Variants in MTERF4 observed in about 807,000 individuals in gnomAD.
MTERF4 encodes the protein mitochondrial transcription termination factor 4, also known as transcription termination factor 4, mitochondrial.
In MTERF4, 17 loss-of-function variants were observed where a neutral mutation model predicts 22.5. The observed-to-expected ratio is 0.75, with a 90% CI of 0.52 to 1.13. The LOEUF is 1.13. MTERF4 is among the 50% of genes most tolerant of loss of function. The pLI is 0.00. For synonymous variants in MTERF4, 165 were observed against 175.3 expected (o/e 0.94, Z 0.47); for missense variants, 420 against 466.8 (o/e 0.90, Z 0.92).
At chr2:241,048,225 A>G in the MTERF4 span, 1 of 1,420,396 alleles carries the variant, frequency 7.0e-7, no homozygotes, top group Non-Finnish European at 9.3e-7. Flanking sequence ...AACAGAGGTG[A>G]AAACCCAAAG....
At chr2:241,048,645 C>T in the MTERF4 span, 7 of 1,594,440 alleles carry the variant, frequency 4.4e-6, no homozygotes, top group South Asian at 4.6e-5. Flanking sequence ...GGAGGCTCCT[C>T]CCTCTCTTCG....
chr2:241,044,161 A>C, the MTERF4 span, among the ~76,000 whole-genome samples: 14 of 152,236 alleles, frequency 9.2e-5, no homozygotes, highest in African/African-American at 3.1e-4. Flanking sequence ...GAAGTGGGAC[A>C]AGTAAAAGCC....
chr2:241,065,022 A>T, the MTERF4 span: 1 of 1,261,976 alleles, frequency 7.9e-7, no homozygotes, highest in Non-Finnish European at 1.1e-6. Flanking sequence ...AGAGGGCCCA[A>T]CGGTCTCCAA....
downstream of MTERF4, chr2:241,068,974 GGA>G: frequency 6.4e-7 from 1 of 1,557,164 alleles, no homozygotes; most frequent in Non-Finnish European, 8.7e-7. This position sits in a 1 kb window ranked among gnomAD's most constrained non-coding sequence, Gnocchi z 5.3. Flanking sequence ...TCAGGGGAGA[GGA>G]GCACCCCACA....
chr2:241,097,014 T>C, intron 3 of MTERF4: 1 of 600,852 alleles, frequency 1.7e-6, no homozygotes, highest in East Asian at 2.8e-5. Flanking sequence ...AAGATTTCTC[T>C]TTGGCTGATG....
chr2:241,064,172 C>T, the MTERF4 span: 4 of 1,328,260 alleles, frequency 3.0e-6, no homozygotes, highest in South Asian at 4.1e-5. This position sits in a 1 kb window ranked among gnomAD's most constrained non-coding sequence, Gnocchi z 7.0. Context: ...CCGCCTGCTC[C>T]CCGCCCTCTG....
downstream of MTERF4, chr2:241,087,166 G>A (rs1032095302): frequency 2.2e-5 from 11 of 505,254 alleles, no homozygotes; most frequent in African/African-American, 2.0e-4. Context: ...CATTAAAATG[G>A]GTTTATTTTA....
chr2:241,093,125 C>A (rs3815291), downstream of MTERF4: 78,484 of 152,398 alleles, frequency 0.51, 23,155 homozygotes, highest in African/African-American at 0.82. Context: ...AGGCAATTCG[C>A]GAAGTTTCAC....
chr2:241,049,078 A>G, the MTERF4 span: 4 of 1,613,696 alleles, frequency 2.5e-6, no homozygotes, highest in East Asian at 8.9e-5. Context: ...GGGCTACTGC[A>G]TGGAGCACGG....
At chr2:241,056,323 C>T in the MTERF4 span, among the ~76,000 whole-genome samples, 1 of 151,768 alleles carries the variant, frequency 6.6e-6, no homozygotes, top group African/African-American at 2.4e-5. Context: ...ATGGTGTTGC[C>T]CAGGTTGGTC....
intron 4 of MTERF4, among the ~76,000 whole-genome samples, chr2:241,079,391 G>A (rs1277399323): frequency 2.0e-5 from 3 of 147,418 alleles, no homozygotes; most frequent in African/African-American, 7.6e-5. Flanking sequence ...CAGCCTGGGC[G>A]ACAGAGTGAG....
downstream of MTERF4, among the ~76,000 whole-genome samples, chr2:241,086,248 CTTCT>C (rs2063569203): frequency 1.3e-5 from 2 of 152,220 alleles, no homozygotes; most frequent in African/African-American, 4.8e-5. Flanking sequence ...CTCAGTAGTT[CTTCT>C]TTGCCTTGTG....
chr2:241,051,757 G>A, the MTERF4 span: 2 of 1,526,474 alleles, frequency 1.3e-6, no homozygotes, highest in South Asian at 2.5e-5. This position sits in a 1 kb window ranked among gnomAD's most constrained non-coding sequence, Gnocchi z 4.7. Context: ...GGCCACACCT[G>A]TGCAGCTCAG....
intron 4 of MTERF4, among the ~76,000 whole-genome samples, chr2:241,077,999 C>T (rs192103250): frequency 3.1e-4 from 47 of 152,230 alleles, no homozygotes; most frequent in Admixed American, 8.5e-4. Flanking sequence ...AAATGAAAAC[C>T]TATGTCCACA....
the MTERF4 span, among the ~76,000 whole-genome samples, chr2:241,057,389 ATATAT>A: frequency 8.5e-6 from 1 of 118,176 alleles, no homozygotes; most frequent in Admixed American, 8.0e-5. Flanking sequence ...AAATATATAT[ATATAT>A]ATATATATAT....
At chr2:241,066,546 G>A in the MTERF4 span, among the ~76,000 whole-genome samples, 316 of 152,276 alleles carry the variant, frequency 2.1e-3, 2 homozygotes, top group African/African-American at 7.3e-3. Flanking sequence ...AGACACAGGA[G>A]CAAGAATGGG....
the MTERF4 span, among the ~76,000 whole-genome samples, chr2:241,048,021 G>A: frequency 2.3e-4 from 35 of 151,264 alleles, no homozygotes; most frequent in African/African-American, 6.6e-4. Context: ...TGGTCTCTCC[G>A]GTGCTTCTTG....
chr2:241,071,985 G>A (rs372234455), downstream of MTERF4: 56 of 976,694 alleles, frequency 5.7e-5, no homozygotes, highest in East Asian at 2.1e-4. Context: ...CACCGCCAGC[G>A]CAGTCTCCAG....
chr2:241,099,133 G>A (rs1045520901), intron 2 of MTERF4: 2 of 354,546 alleles, frequency 5.6e-6, no homozygotes, highest in African/African-American at 2.1e-5. Flanking sequence ...GGAGTGCAGT[G>A]GCGCCATCTC....
Sources: allele counts gnomAD v4.1 joint callset (sites outside exome capture counted in the v4.1 genomes callset), GRCh38; gene constraint gnomAD v4.1.1; non-coding constraint Gnocchi (gnomAD v3.1); transcripts MANE v1.5; gene names NCBI Gene and HGNC (gene_info 2026-07-23, HGNC 2026-07-21).